The following GRXCR1 variants were observed in gnomAD, a reference collection of about 807,000 sequenced individuals.
The protein encoded by GRXCR1 is glutaredoxin domain-containing cysteine-rich protein 1.
In GRXCR1, 27 loss-of-function variants were observed where a neutral mutation model predicts 27.3. The ratio of observed to expected loss-of-function variants is 0.99; its 90% CI spans 0.73 to 1.37. The LOEUF is 1.37. Ranked by LOEUF, GRXCR1 falls within the 40% of genes most tolerant of loss-of-function variation. The pLI is 0.00. For missense variants in GRXCR1, 379 were observed against 354.4 expected (o/e 1.07, Z -0.56); for synonymous variants, 122 against 131.1 (o/e 0.93, Z 0.47).
intron 3 of GRXCR1, among the ~76,000 whole-genome samples, chr4:43,029,160 C>A (rs1411478437): frequency 6.6e-6 from 1 of 152,040 alleles, no homozygotes; most frequent in Non-Finnish European, 1.5e-5. Flanking sequence ...ATTATTGACT[C>A]GATAAAAATT....
chr4:42,910,427 G>A (rs1320788948), intron 1 of GRXCR1, among the ~76,000 whole-genome samples: 1 of 152,114 alleles, frequency 6.6e-6, no homozygotes, highest in African/African-American at 2.4e-5. Context: ...TGCATTTATG[G>A]ACTTTCTCTC....
chr4:42,934,240 T>TTATA (rs3072842), intron 1 of GRXCR1, among the ~76,000 whole-genome samples: 32,508 of 146,216 alleles, frequency 0.22, 3,762 homozygotes, highest in South Asian at 0.37. Flanking sequence ...TGATGTGATA[T>TTATA]TATATATATA....
intron 2 of GRXCR1, among the ~76,000 whole-genome samples, chr4:43,007,810 G>T (rs932856002): frequency 1.3e-5 from 2 of 152,208 alleles, no homozygotes; most frequent in Non-Finnish European, 2.9e-5. Context: ...ATTTCCATGT[G>T]AGAGTTTTTG....
intron 1 of GRXCR1, among the ~76,000 whole-genome samples, chr4:42,932,886 A>G (rs892724397): frequency 8.6e-5 from 13 of 151,518 alleles, no homozygotes; most frequent in African/African-American, 3.1e-4. Flanking sequence ...CCCTCATCCT[A>G]TGCCTTGAGG....
chr4:42,910,935 G>A (rs139371961), intron 1 of GRXCR1, among the ~76,000 whole-genome samples: 78 of 152,224 alleles, frequency 5.1e-4, no homozygotes, highest in African/African-American at 1.8e-3. Flanking sequence ...TTTGCTGGAA[G>A]TTTCCATGGT....
rs778860346 is a variant in GRXCR1, at chr4:42,962,877, A to G, written c.385-15A>G. 2.2e-5 allele frequency: 35 copies of G among 1,612,242 alleles called. No individual in the cohort carries two copies. The highest frequency in any genetic ancestry group is 2.7e-5 in the Non-Finnish European group (32 of 1,178,634). ...TAAAAGCAAACATTCTTACAACTCA[A>G]TGTTTTCCCTTCAGCAACCATCAAC... On this transcript the variant is annotated splice_polypyrimidine_tract_variant and intron_variant, in intron 1 of 3. Transcript: ENST00000399770.
chr4:42,922,528 C>G (rs1442639597), intron 1 of GRXCR1, among the ~76,000 whole-genome samples: 1 of 152,122 alleles, frequency 6.6e-6, no homozygotes, highest in Admixed American at 6.5e-5. Flanking sequence ...TTCTGCAGTG[C>G]TGGGTACTTA....
chr4:42,970,335 G>T (rs866094799), intron 2 of GRXCR1, among the ~76,000 whole-genome samples: 7 of 152,078 alleles, frequency 4.6e-5, no homozygotes, highest in Non-Finnish European at 8.8e-5. Flanking sequence ...CTATGAGGGG[G>T]CTCCAACCTC....
At chr4:42,987,885 A>G (rs2109789434) in intron 2 of GRXCR1, among the ~76,000 whole-genome samples, 1 of 152,338 alleles carries the variant, frequency 6.6e-6, no homozygotes, top group Non-Finnish European at 1.5e-5. Context: ...ACTCAACTCA[A>G]AGCAGATTGT....
chr4:42,960,556 T>G (rs892391195), intron 1 of GRXCR1, among the ~76,000 whole-genome samples: 2 of 151,936 alleles, frequency 1.3e-5, no homozygotes, highest in Admixed American at 1.3e-4. Flanking sequence ...ATTTGTTTTT[T>G]TAATCTTAAA....
intron 1 of GRXCR1, among the ~76,000 whole-genome samples, chr4:42,943,504 T>A (rs191208580): frequency 6.6e-6 from 1 of 152,172 alleles, no homozygotes; most frequent in Admixed American, 6.6e-5. Context: ...GAATCAGAAT[T>A]TCCAGGGCAG....
At chr4:42,941,540 GA>G (rs764800757) in intron 1 of GRXCR1, among the ~76,000 whole-genome samples, 8 of 151,932 alleles carry the variant, frequency 5.3e-5, no homozygotes, top group Non-Finnish European at 1.0e-4. Context: ...TTCAGCTCCT[GA>G]AAAACCTTTC....
In GRXCR1 at chr4:42,944,681, A is replaced by G. The variant is rs1054522428; in HGVS notation, c.385-18211A>G. ...TCCTACCTCTAAATTCAGAATTCTT[A>G]ATACTGTGTGTACCAGAAGTCAAGA... is the stretch of plus-strand genomic sequence containing the variant. On this transcript the variant is annotated intron_variant, in intron 1 of 3. Coordinates refer to ENST00000399770, the MANE Select transcript of GRXCR1 (RefSeq NM_001080476.3). Among the ~76,000 whole-genome samples the G allele has an allele frequency of 4.6e-5, 7 of 152,234 alleles. No homozygotes were observed. The East Asian group carries it at 1.4e-3, about 30-fold the overall frequency.
intron 2 of GRXCR1, among the ~76,000 whole-genome samples, chr4:43,001,416 G>A (rs908307605): frequency 3.3e-5 from 5 of 152,076 alleles, no homozygotes; most frequent in African/African-American, 1.2e-4. Flanking sequence ...TTGAGTTTTT[G>A]CCTCTTGGAA....
chr4:42,893,166 C>T lies in GRXCR1; in HGVS notation c.-101C>T, dbSNP rs934432457. Reference sequence around the variant, plus strand: ...GATGTTAGTTTCACAGGAGTGCTGCCATCACTAGAATTGGCTCTGATATTG... The same window carrying T: ...GATGTTAGTTTCACAGGAGTGCTGCTATCACTAGAATTGGCTCTGATATTG... On this transcript the variant is annotated 5_prime_UTR_variant, in exon 1 of 4. Coordinates refer to ENST00000399770, the MANE Select transcript of GRXCR1 (RefSeq NM_001080476.3). 1 of 1,259,270 alleles carries T rather than the reference C, an allele frequency of 7.9e-7. No homozygotes were observed. Among genetic ancestry groups the T allele is most frequent in the Non-Finnish European group, 1.2e-6 (1 of 859,484 alleles). The allele number at this position is 1,259,270 out of a possible 1,614,324, so 78.0% of individuals were successfully genotyped here.
chr4:42,959,417 G>A (rs1424903141), intron 1 of GRXCR1, among the ~76,000 whole-genome samples: 2 of 151,740 alleles, frequency 1.3e-5, no homozygotes, highest in Non-Finnish European at 2.9e-5. Context: ...AATGGTGGCT[G>A]TTAGTGGTGG....
chr4:43,026,054 T>TA (rs34249262), intron 3 of GRXCR1, among the ~76,000 whole-genome samples: 50,461 of 151,628 alleles, frequency 0.33, 8,640 homozygotes, highest in African/African-American at 0.42. Flanking sequence ...TGTTACTAGT[T>TA]GTAATGTTAC....
At chr4:42,958,162 T>G (rs1246602154) in intron 1 of GRXCR1, among the ~76,000 whole-genome samples, 1 of 152,040 alleles carries the variant, frequency 6.6e-6, no homozygotes, top group Non-Finnish European at 1.5e-5. Flanking sequence ...ATGCCAGGAA[T>G]GCTGTGACTC....
intron 2 of GRXCR1, among the ~76,000 whole-genome samples, chr4:42,989,131 T>G (rs142539863): frequency 5.2e-4 from 79 of 152,314 alleles, no homozygotes; most frequent in African/African-American, 1.7e-3. Flanking sequence ...TTATATCGCT[T>G]ATATATTACT....
Sources: allele counts gnomAD v4.1 joint callset (sites outside exome capture counted in the v4.1 genomes callset), GRCh38; gene constraint gnomAD v4.1.1; transcripts MANE v1.5; gene names NCBI Gene and HGNC (gene_info 2026-07-23, HGNC 2026-07-21).